NELL1: variants seen among roughly 807,000 people sequenced by gnomAD.
NELL1 encodes protein kinase C-binding protein NELL1.
A neutral mutation model predicts 107.4 loss-of-function variants in NELL1; 76 were observed. The observed-to-expected ratio is 0.71, with a 90% CI of 0.59 to 0.86. The LOEUF (loss-of-function observed/expected upper bound fraction) is 0.86, where lower values mean the gene tolerates loss of function less well. NELL1 is among the 40% of genes least tolerant of loss of function. NELL1 has a pLI of 0.00. For missense variants in NELL1, 1,024 were observed against 1,005.5 expected, an observed-to-expected ratio of 1.02 and a Z score of -0.25; for synonymous variants, 353 against 341.2, an observed-to-expected ratio of 1.03 and a Z score of -0.38.
intron 12 of NELL1, among the ~76,000 whole-genome samples, chr11:21,028,066 C>T (rs984460426): frequency 6.6e-6 from 1 of 152,046 alleles, no homozygotes; most frequent in African/African-American, 2.4e-5. Flanking sequence ...CGCTGAAGAA[C>T]GAGCTGAAAA....
At chr11:21,408,997 T>C (rs938315877) in intron 15 of NELL1, among the ~76,000 whole-genome samples, 4 of 151,974 alleles carry the variant, frequency 2.6e-5, no homozygotes, top group Non-Finnish European at 5.9e-5. Flanking sequence ...TGCAAACTAG[T>C]TCAACCATTG....
At chr11:21,411,209 A>C (rs1054836361) in intron 15 of NELL1, among the ~76,000 whole-genome samples, 3 of 152,088 alleles carry the variant, frequency 2.0e-5, no homozygotes, top group African/African-American at 7.2e-5. Context: ...TGTAATGTCC[A>C]TCATAGAGTA....
chr11:21,088,059 CTGTGTGTGTGTGTG>C lies in NELL1; in HGVS notation c.1301-25496_1301-25483del, dbSNP rs56900585. ...TTGTTTTCTGTGAGTCCCAGTAGCT[CTGTGTGTGTGTGTG>C]TGTGTGTGTGTGTGTGTGTGTGTGT... On this transcript the variant is annotated intron_variant, in intron 12 of 19. Transcript: ENST00000357134. Among the ~76,000 whole-genome samples the C allele has an allele frequency of 1.9e-4, 26 of 136,062 alleles. No homozygotes were observed. In the Middle Eastern group the frequency reaches 0.011, roughly 57 times the overall value. 89.3% of individuals were successfully genotyped at this position (136,062 alleles called of 152,430 possible).
chr11:21,098,154 C>T (rs1854698194), intron 12 of NELL1, among the ~76,000 whole-genome samples: 1 of 152,168 alleles, frequency 6.6e-6, no homozygotes, highest in Non-Finnish European at 1.5e-5. Flanking sequence ...TGTGAAGTCA[C>T]ATTCATGGGT....
intron 5 of NELL1, among the ~76,000 whole-genome samples, chr11:20,889,249 A>T (rs187296261): frequency 6.6e-6 from 1 of 152,254 alleles, no homozygotes; most frequent in African/African-American, 2.4e-5. Flanking sequence ...GCCAGTGACA[A>T]AACACAAATT....
chr11:20,728,257 G>T (rs1855553265), intron 2 of NELL1, among the ~76,000 whole-genome samples: 4 of 152,094 alleles, frequency 2.6e-5, no homozygotes, highest in Non-Finnish European at 5.9e-5. Flanking sequence ...TCTGTAAATT[G>T]TCTGTTTACT....
chr11:21,370,298 G>A (rs1851328841), intron 14 of NELL1, among the ~76,000 whole-genome samples: 2 of 151,992 alleles, frequency 1.3e-5, no homozygotes, highest in Non-Finnish European at 2.9e-5. Context: ...AAGCATTTTA[G>A]CTATTAAGAC....
chr11:20,745,255 T>C (rs966561510), intron 2 of NELL1, among the ~76,000 whole-genome samples: 1 of 152,226 alleles, frequency 6.6e-6, no homozygotes, highest in Non-Finnish European at 1.5e-5. Context: ...AATTTTTATA[T>C]GCCTTAAAGC....
chr11:21,463,474 T>C (rs1346153485), intron 15 of NELL1, among the ~76,000 whole-genome samples: 1 of 152,124 alleles, frequency 6.6e-6, no homozygotes, highest in East Asian at 1.9e-4. Flanking sequence ...AATCTAAAAG[T>C]ATATTTGCTG....
rs116545573 is a variant in NELL1, at chr11:20,790,512, A to C, written c.335+6682A>C. Among the ~76,000 whole-genome samples, 145 of 152,316 alleles carry C rather than the reference A, an allele frequency of 9.5e-4. 1 individual carries two copies. The highest frequency in any genetic ancestry group is 3.4e-3 in the African/African-American group (142 of 41,580). ...GCAGTGGGGTCCTTCCCAGGTCTCC[A>C]AGAGTGCAGGGATGCGTGGGCCCAC... On this transcript the variant is annotated intron_variant, in intron 3 of 19. Coordinates refer to ENST00000357134, the MANE Select transcript of NELL1 (RefSeq NM_006157.5).
intron 4 of NELL1, among the ~76,000 whole-genome samples, chr11:20,848,689 C>G (rs1222642359): frequency 6.6e-6 from 1 of 152,152 alleles, no homozygotes; most frequent in Non-Finnish European, 1.5e-5. Flanking sequence ...TTGGGGATAG[C>G]CTCCCTTCCA....
intron 12 of NELL1, among the ~76,000 whole-genome samples, chr11:21,079,999 C>A (rs1854228209): frequency 6.6e-6 from 1 of 151,960 alleles, no homozygotes. Flanking sequence ...TTTGAACATA[C>A]TGATGTGTGA....
intron 15 of NELL1, among the ~76,000 whole-genome samples, chr11:21,483,990 C>CACATATAT (rs1854559074): frequency 4.5e-5 from 4 of 88,400 alleles, no homozygotes; most frequent in Non-Finnish European, 8.7e-5. Context: ...TTTTACTTAA[C>CACATATAT]ATATATATAT....
chr11:21,323,905 G>A (rs937958058), intron 14 of NELL1, among the ~76,000 whole-genome samples: 1 of 152,030 alleles, frequency 6.6e-6, no homozygotes, highest in Admixed American at 6.6e-5. Flanking sequence ...ATGATATTAG[G>A]TGTTTACTGT....
chr11:20,673,603 G>T (rs894555422), intron 1 of NELL1, among the ~76,000 whole-genome samples: 1 of 152,218 alleles, frequency 6.6e-6, no homozygotes, highest in Non-Finnish European at 1.5e-5. Context: ...GTAGCAGCAG[G>T]TATCTTTGTT....
chr11:21,480,686 T>C (rs1590965005), intron 15 of NELL1, among the ~76,000 whole-genome samples: 1 of 152,304 alleles, frequency 6.6e-6, no homozygotes, highest in South Asian at 2.1e-4. Context: ...AAGCGACTGC[T>C]CTTCCCACCA....
At chr11:20,854,805 T>C (rs1254206590) in intron 4 of NELL1, among the ~76,000 whole-genome samples, 1 of 152,162 alleles carries the variant, frequency 6.6e-6, no homozygotes, top group Admixed American at 6.5e-5. Flanking sequence ...AAGCAGATGA[T>C]GGATAGTTGT....
intron 1 of NELL1, among the ~76,000 whole-genome samples, chr11:20,675,334 A>G (rs969761765): frequency 6.6e-6 from 1 of 152,246 alleles, no homozygotes; most frequent in African/African-American, 2.4e-5. Context: ...GCCAATGTTC[A>G]GTCAACCACT....
intron 14 of NELL1, among the ~76,000 whole-genome samples, chr11:21,306,247 T>C (rs1185816769): frequency 6.6e-6 from 1 of 151,996 alleles, no homozygotes; most frequent in African/African-American, 2.4e-5. Context: ...ATTAATCAAT[T>C]TATTGGAACA....
Sources: gnomAD v4.1 joint callset for allele counts (sites outside exome capture counted in the v4.1 genomes callset) on GRCh38, gnomAD v4.1.1 for gene constraint, MANE v1.5 for transcripts, NCBI Gene and HGNC (gene_info 2026-07-23, HGNC 2026-07-21) for gene names.